Variants in HHAT observed in about 807,000 individuals in gnomAD.
The protein encoded by HHAT is hedgehog acyltransferase.
A neutral mutation model predicts 70.8 loss-of-function variants in HHAT; 47 were observed. The observed-to-expected ratio is 0.66, with a 90% confidence interval of 0.53 to 0.85. The LOEUF is 0.85. Among genes scored for constraint, HHAT ranks in the 40% least tolerant of loss-of-function variants. HHAT has a pLI of 0.00. For synonymous variants in HHAT, 228 were observed against 247.6 expected (o/e 0.92, Z 0.74); for missense variants, 609 against 604.8 (o/e 1.01, Z -0.07).
intron 7 of HHAT, among the ~76,000 whole-genome samples, chr1:210,437,313 TC>T (rs1163476139): frequency 6.6e-6 from 1 of 151,928 alleles, no homozygotes; most frequent in Non-Finnish European, 1.5e-5. Context: ...TGATGTTATG[TC>T]TGATAACATG....
rs2093540217 is a variant in HHAT, at chr1:210,442,450, A to G, written c.857-22055A>G. Among the ~76,000 whole-genome samples the G allele has an allele frequency of 2.7e-5, 4 of 147,140 alleles. No homozygotes were observed. The South Asian group carries it at 9.1e-4, about 33-fold the overall frequency. ...CACTGACTTCCACAATGGTTGAACT[A>G]GTTTACAGTCCCACCAACAGTGTAA... On this transcript the variant is annotated intron_variant, in intron 7 of 11. Coordinates refer to ENST00000261458, the MANE Select transcript of HHAT (RefSeq NM_018194.6).
chr1:210,606,605 T>C (rs569736282), intron 10 of HHAT, among the ~76,000 whole-genome samples: 1 of 152,334 alleles, frequency 6.6e-6, no homozygotes, highest in Admixed American at 6.5e-5. Context: ...CACTGATGCT[T>C]CCCTTCTCCT....
chr1:210,597,043 G>C (rs1558241986), intron 10 of HHAT, among the ~76,000 whole-genome samples: 1 of 152,124 alleles, frequency 6.6e-6, no homozygotes, highest in African/African-American at 2.4e-5. Flanking sequence ...TTGCATTACG[G>C]GGCACCCCAT....
chr1:210,420,738 CTG>C (rs544096118), intron 7 of HHAT, among the ~76,000 whole-genome samples: 131 of 151,778 alleles, frequency 8.6e-4, no homozygotes, highest in Middle Eastern at 6.8e-3. Context: ...ATGCATGTCT[CTG>C]TGTGTGTGTA....
At chr1:210,585,741 A>G (rs1248107029) in intron 9 of HHAT, among the ~76,000 whole-genome samples, 1 of 152,174 alleles carries the variant, frequency 6.6e-6, no homozygotes, top group African/African-American at 2.4e-5. Flanking sequence ...AATTCTGAAT[A>G]CAGCTTGGAT....
At chr1:210,478,481 G>A (rs2094340443) in intron 8 of HHAT, among the ~76,000 whole-genome samples, 1 of 146,474 alleles carries the variant, frequency 6.8e-6, no homozygotes, top group Non-Finnish European at 1.5e-5. Context: ...TTGGCTATTG[G>A]GATGGTGAAA....
chr1:210,366,304 T>A lies in HHAT; in HGVS notation c.159+3385T>A, dbSNP rs1571911213. On this transcript the variant is annotated intron_variant, in intron 3 of 11. Transcript: ENST00000261458. The stretch of plus-strand genomic sequence containing the variant: ...GAGTCCCTGGACTCTACCTAGTAGA[T>A]GCTAGCAGCATTTCCTGCCCTAAGC... Among the ~76,000 whole-genome samples, 5 of 152,282 alleles carry A rather than the reference T, an allele frequency of 3.3e-5. No individual in the cohort carries two copies. The South Asian group carries it at 1.0e-3, about 32-fold the overall frequency.
At chr1:210,656,544 C>T (rs748806096) in intron 11 of HHAT, among the ~76,000 whole-genome samples, 3 of 152,172 alleles carry the variant, frequency 2.0e-5, no homozygotes, top group Non-Finnish European at 4.4e-5. Flanking sequence ...GCCTTATGCT[C>T]CTGCAGGGGA....
intron 10 of HHAT, among the ~76,000 whole-genome samples, chr1:210,602,405 T>G (rs541070077): frequency 5.3e-5 from 8 of 152,168 alleles, no homozygotes; most frequent in African/African-American, 1.9e-4. Context: ...AATAGCACAC[T>G]GGAGAATCAA....
intron 10 of HHAT, among the ~76,000 whole-genome samples, chr1:210,614,135 TAGTTA>T (rs1039728988): frequency 2.6e-5 from 4 of 152,122 alleles, no homozygotes; most frequent in African/African-American, 9.7e-5. Context: ...TTTGCCTCCC[TAGTTA>T]AGTTTATTCC....
intron 9 of HHAT, among the ~76,000 whole-genome samples, chr1:210,564,676 T>C (rs908071523): frequency 6.6e-6 from 1 of 152,140 alleles, no homozygotes; most frequent in Non-Finnish European, 1.5e-5. Flanking sequence ...AAGCAGAAAT[T>C]ATCTAAAGAG....
intron 11 of HHAT, among the ~76,000 whole-genome samples, chr1:210,673,777 ATTTAT>A (rs1404842106): frequency 1.5e-4 from 6 of 39,284 alleles, no homozygotes; most frequent in African/African-American, 3.2e-4. Flanking sequence ...TTATTTATTT[ATTTAT>A]TTATTTATTT....
At chr1:210,495,779 G>A (rs1362682200) in intron 8 of HHAT, among the ~76,000 whole-genome samples, 3 of 151,918 alleles carry the variant, frequency 2.0e-5, no homozygotes, top group Admixed American at 6.6e-5. Context: ...TGGCCGAGGC[G>A]GGCAGATCGC....
In HHAT at chr1:210,548,989, T is replaced by C. The variant is rs932821915; in HGVS notation, c.1043+35801T>C. 3.3e-5 allele frequency among the ~76,000 whole-genome samples: 5 copies of C among 152,348 alleles called. No homozygotes were observed. In the East Asian group the frequency reaches 9.7e-4, roughly 29 times the overall value. ...CAGGGCAGGGCTTCTCAGATGGCAGTGCAGTGCAGCAGTTCTTAAGAACAT... is the reference window on the plus strand; with the variant it reads ...CAGGGCAGGGCTTCTCAGATGGCAGCGCAGTGCAGCAGTTCTTAAGAACAT... On this transcript the variant is annotated intron_variant, in intron 9 of 11. Coordinates refer to ENST00000261458, the MANE Select transcript of HHAT (RefSeq NM_018194.6).
At chr1:210,479,808 G>A (rs888247433) in intron 8 of HHAT, among the ~76,000 whole-genome samples, 1 of 152,206 alleles carries the variant, frequency 6.6e-6, no homozygotes. Flanking sequence ...TGTTGGAAAA[G>A]CAGAGCAATA....
chr1:210,672,418 G>A (rs1253296422), intron 11 of HHAT, among the ~76,000 whole-genome samples: 1 of 152,194 alleles, frequency 6.6e-6, no homozygotes, highest in Non-Finnish European at 1.5e-5. Context: ...TGGCCTATAA[G>A]GTGGTCTTCC....
chr1:210,529,123 A>C (rs1272350696), intron 9 of HHAT, among the ~76,000 whole-genome samples: 1 of 152,012 alleles, frequency 6.6e-6, no homozygotes, highest in African/African-American at 2.4e-5. Context: ...TAGCCAAGAT[A>C]GTGAAACCCC....
chr1:210,662,918 G>T (rs1290499396), intron 11 of HHAT, among the ~76,000 whole-genome samples: 1 of 152,080 alleles, frequency 6.6e-6, no homozygotes, highest in Non-Finnish European at 1.5e-5. Context: ...TGTTTGTGCT[G>T]GTTAAAATGT....
intron 9 of HHAT, among the ~76,000 whole-genome samples, chr1:210,585,563 C>A (rs1660253165): frequency 1.3e-5 from 2 of 152,080 alleles, no homozygotes; most frequent in Admixed American, 1.3e-4. Flanking sequence ...GGACTACAGG[C>A]CCACACCACC....
Sources: gnomAD v4.1 joint callset for allele counts (sites outside exome capture counted in the v4.1 genomes callset) on GRCh38, gnomAD v4.1.1 for gene constraint, MANE v1.5 for transcripts, NCBI Gene and HGNC (gene_info 2026-07-23, HGNC 2026-07-21) for gene names.